KATNAL2: variants seen among roughly 807,000 people sequenced by gnomAD.
KATNAL2 encodes katanin catalytic subunit A1 like 2.
Under a neutral mutation model 76.3 loss-of-function variants are expected in KATNAL2, and 52 were observed. That is an observed-to-expected ratio of 0.68 (90% CI 0.55 to 0.86). KATNAL2 has a LOEUF of 0.86. Ranked by LOEUF, KATNAL2 falls within the 40% of genes least tolerant of loss-of-function variation. The pLI is 0.00. For synonymous variants in KATNAL2, 243 were observed against 244.2 expected, an observed-to-expected ratio of 1.00 and a Z score of 0.05; for missense variants, 660 against 668.9, an observed-to-expected ratio of 0.99 and a Z score of 0.15.
At chr18:46,925,076 C>A (rs1245203946) in intron 1 of KATNAL2, among the ~76,000 whole-genome samples, 1 of 151,530 alleles carries the variant, frequency 6.6e-6, no homozygotes, top group Non-Finnish European at 1.5e-5. Flanking sequence ...CCCTTTTTTT[C>A]CTTCTCCTGC....
intron 1 of KATNAL2, among the ~76,000 whole-genome samples, chr18:46,930,839 A>AG (rs2058887462): frequency 6.6e-6 from 1 of 151,374 alleles, no homozygotes; most frequent in South Asian, 2.1e-4. Context: ...GCAGTGGTTC[A>AG]CACCTGTAAT....
intron 3 of KATNAL2, among the ~76,000 whole-genome samples, chr18:46,953,306 C>T (rs886836079): frequency 6.6e-6 from 1 of 152,086 alleles, no homozygotes; most frequent in African/African-American, 2.4e-5. Context: ...ATATTTTCCT[C>T]AAAAGTCAGT....
intron 1 of KATNAL2, among the ~76,000 whole-genome samples, chr18:46,926,590 GT>G: frequency 6.6e-6 from 1 of 152,182 alleles, no homozygotes; most frequent in Non-Finnish European, 1.5e-5. Flanking sequence ...TTCTGTAGAT[GT>G]CTATTAGGTC....
At position 47,075,228 on chromosome 18, in the gene KATNAL2, G is replaced by A. The variant is rs1246425041; in HGVS notation, c.1009-49G>A. The A allele has an allele frequency of 2.1e-6, 3 of 1,437,474 alleles. No individual in the cohort carries two copies. In the South Asian group the frequency reaches 4.3e-5, roughly 21 times the overall value. The allele number at this position is 1,437,474 out of a possible 1,614,324, so 89.0% of individuals were successfully genotyped here. On this transcript the variant is annotated intron_variant, in intron 13 of 17. Transcript: ENST00000683218. The stretch of plus-strand genomic sequence containing the variant: ...AGTTTTTACTCTGGGAGCATCTGAG[G>A]ACTTTAAGTCTATAAGCTTGAACAC...
chr18:47,065,025 G>A (rs180804299), intron 10 of KATNAL2, among the ~76,000 whole-genome samples: 10 of 152,270 alleles, frequency 6.6e-5, no homozygotes, highest in African/African-American at 2.2e-4. Context: ...AAGAAAGGAC[G>A]GTAATAAGAA....
intron 1 of KATNAL2, chr18:46,919,958 G>C: frequency 1.4e-6 from 1 of 727,806 alleles, no homozygotes; most frequent in Non-Finnish European, 2.1e-6. Flanking sequence ...GACGAATAGA[G>C]TACAATACAG....
intron 15 of KATNAL2, among the ~76,000 whole-genome samples, chr18:47,092,911 T>C (rs1272552633): frequency 1.3e-5 from 2 of 152,196 alleles, no homozygotes; most frequent in African/African-American, 2.4e-5. Flanking sequence ...GTTGAAAATG[T>C]CTTTATTCTA....
At chr18:47,034,698 G>C (rs139088020) in intron 3 of KATNAL2, 9 of 1,612,816 alleles carry the variant, frequency 5.6e-6, no homozygotes, top group South Asian at 2.2e-5. Context: ...GTTGCTTCCC[G>C]GGCGCAGCGG....
intron 3 of KATNAL2, chr18:47,034,292 G>T (rs774743457): frequency 3.7e-6 from 6 of 1,613,576 alleles, no homozygotes; most frequent in Admixed American, 1.7e-5. Context: ...CCATTTCCTG[G>T]GTCCCGGCCG....
intron 3 of KATNAL2, chr18:47,034,721 C>G (rs139896727): frequency 1.1e-5 from 17 of 1,612,982 alleles, no homozygotes; most frequent in Non-Finnish European, 1.3e-5. Context: ...TCAGGGCCCT[C>G]GGGCATCCGG....
intron 3 of KATNAL2, among the ~76,000 whole-genome samples, chr18:47,025,501 CAGTGTGTGTGTGTGTG>C (rs2060282966): frequency 6.6e-6 from 1 of 151,312 alleles, no homozygotes; most frequent in African/African-American, 2.4e-5. Context: ...CTCTCTCTCT[CAGTGTGTGTGTGTGTG>C]TGTGTGTGTG....
At chr18:46,925,552 G>A (rs1335608961) in intron 1 of KATNAL2, among the ~76,000 whole-genome samples, 1 of 152,108 alleles carries the variant, frequency 6.6e-6, no homozygotes, top group South Asian at 2.1e-4. Flanking sequence ...TCTTTTTTTG[G>A]TTGTGTCTCT....
intron 1 of KATNAL2, among the ~76,000 whole-genome samples, chr18:46,938,306 G>C (rs1387182413): frequency 2.6e-5 from 4 of 152,264 alleles, no homozygotes; most frequent in Admixed American, 2.6e-4. Context: ...CCTTACATGT[G>C]AATGGTGACT....
At chr18:46,948,008 C>T (rs185132773) in intron 3 of KATNAL2, among the ~76,000 whole-genome samples, 5 of 152,172 alleles carry the variant, frequency 3.3e-5, no homozygotes, top group Non-Finnish European at 7.3e-5. Flanking sequence ...CAGAAACCCC[C>T]GGGATGATTT....
chr18:46,961,301 T>A (rs1039273364), intron 3 of KATNAL2, among the ~76,000 whole-genome samples: 1 of 124,160 alleles, frequency 8.1e-6, no homozygotes, highest in East Asian at 2.7e-4. Flanking sequence ...GGGGTGGGGG[T>A]GGGTAGCAGG....
chr18:46,958,218 A>G (rs2146769375), intron 3 of KATNAL2, among the ~76,000 whole-genome samples: 1 of 151,360 alleles, frequency 6.6e-6, no homozygotes, highest in African/African-American at 2.4e-5. Flanking sequence ...CACACCATCT[A>G]CTCTCCTGGT....
chr18:47,083,880 A>T lies in KATNAL2; in HGVS notation c.1211+6419A>T, dbSNP rs182945540. 2.7e-3 allele frequency among the ~76,000 whole-genome samples: 404 copies of T among 152,370 alleles called. 1 individual carries two copies. The highest frequency in any genetic ancestry group is 9.4e-3 in the African/African-American group (389 of 41,584). On this transcript the variant is annotated intron_variant, in intron 15 of 17. Coordinates refer to ENST00000683218, the MANE Select transcript of KATNAL2 (RefSeq NM_001387690.1). Reference sequence around the variant, plus strand: ...CCTATTTAACTCTCTGGGAGTTTGTACAAATAAGGTGTGAAGACTAAATAT... The same window carrying T: ...CCTATTTAACTCTCTGGGAGTTTGTTCAAATAAGGTGTGAAGACTAAATAT...
Position 47,084,062 on chromosome 18 carries a change from A to G in KATNAL2, c.1211+6601A>G, listed in dbSNP as rs551377334. 1.6e-4 allele frequency among the ~76,000 whole-genome samples: 25 copies of G among 152,346 alleles called. No individual in the cohort carries two copies. The South Asian group carries it at 4.8e-3, about 29-fold the overall frequency. ...CTTAAGATCCAAGAGATGGAATAAA[A>G]TGGTTCTGATTCACTTGCAGGGGAA... On this transcript the variant is annotated intron_variant, in intron 15 of 17. Transcript: ENST00000683218.
intron 15 of KATNAL2, among the ~76,000 whole-genome samples, chr18:47,081,086 CCCT>C (rs978721451): frequency 1.3e-5 from 2 of 151,218 alleles, no homozygotes; most frequent in Non-Finnish European, 2.9e-5. Flanking sequence ...TTCCCTCCTT[CCCT>C]CCATCACTTT....
Sources: allele counts gnomAD v4.1 joint callset (sites outside exome capture counted in the v4.1 genomes callset), GRCh38; gene constraint gnomAD v4.1.1; transcripts MANE v1.5; gene names NCBI Gene and HGNC (gene_info 2026-07-23, HGNC 2026-07-21).